Variants in TARM1 observed in about 807,000 individuals in gnomAD.
TARM1 encodes T cell-interacting, activating receptor on myeloid cells 1, also known as T-cell-interacting, activating receptor on myeloid cells protein 1.
TARM1 carries 24 observed loss-of-function variants against 30.4 expected under a neutral mutation model. That is an observed-to-expected ratio of 0.79 (90% CI 0.57 to 1.11). The LOEUF is 1.11. Among genes scored for constraint, TARM1 ranks in the 50% least tolerant of loss-of-function variants. TARM1 has a pLI of 0.00. For synonymous variants in TARM1, 129 were observed against 138.9 expected (o/e 0.93, Z 0.50); for missense variants, 323 against 332.8 (o/e 0.97, Z 0.23).
rs144276559 is a variant in TARM1 at position 54,078,211 on chromosome 19, G to C, written c.35-2293C>G. On this transcript the variant is annotated intron_variant, in intron 1 of 4. Transcript: ENST00000432826. ...TTTTTTTTTTTTTTTTTTGAGGCAG[G>C]GTCTCGCTCTGCTGCCCAGGCTGGA... Among the ~76,000 whole-genome samples the C allele has an allele frequency of 8.7e-3, 995 of 114,310 alleles. 14 individuals carry two copies. The highest frequency in any genetic ancestry group is 0.032 in the African/African-American group (895 of 28,066). 75.0% of individuals were successfully genotyped at this position (114,310 alleles called of 152,430 possible).
At position 54,074,170 on chromosome 19, in the gene TARM1, C is replaced by G. The variant is rs934670745; in HGVS notation, c.408G>C (p.Val136=). 5.3e-5 allele frequency: 82 copies of G among 1,551,578 alleles called. No homozygotes were observed. Among genetic ancestry groups the G allele is most frequent in the Non-Finnish European group, 6.7e-5 (77 of 1,147,000 alleles). ...PFLRTYQRGT[V]TAGGRVTLQC... Reference sequence around the variant, plus strand: ...GCAGAGTCACCCTTCCACCTGCGGTCACTGTACCCCTTTGGTAGGTTCGGA... The same window carrying G: ...GCAGAGTCACCCTTCCACCTGCGGTGACTGTACCCCTTTGGTAGGTTCGGA... The change falls in exon 4 of 5, where the codon GTG becomes GTC. Residue 136 remains valine, a synonymous_variant. Transcript: ENST00000432826.
intron 1 of TARM1, among the ~76,000 whole-genome samples, chr19:54,080,067 GAAGGAATGAAGGAGAAAGAGAAAGA>G (rs2072061895): frequency 1.2e-5 from 1 of 81,260 alleles, no homozygotes; most frequent in African/African-American, 5.1e-5. Context: ...AGAGAGGAAG[GAAGGAATGAAGGAGAAAGAGAAAGA>G]AAGGAAGGAA....
intron 1 of TARM1, chr19:54,076,315 T>G: frequency 2.0e-6 from 2 of 1,004,952 alleles, no homozygotes; most frequent in Non-Finnish European, 2.8e-6. Flanking sequence ...AGAGTCTCGC[T>G]CTTTCTTTCT....
At chr19:54,076,839 G>A (rs1233224145) in intron 1 of TARM1, among the ~76,000 whole-genome samples, 2 of 151,378 alleles carry the variant, frequency 1.3e-5, no homozygotes, top group South Asian at 2.1e-4. Context: ...CACCACACCC[G>A]GCTAATTTTT....
chr19:54,080,088 AAAGAAAGGAAGG>A (rs2072063634), intron 1 of TARM1, among the ~76,000 whole-genome samples: 1 of 70,370 alleles, frequency 1.4e-5, no homozygotes, highest in African/African-American at 8.8e-5. Context: ...GGAGAAAGAG[AAAGAAAGGAAGG>A]AAGGAAGGAA....
chr19:54,073,805 T>G, intron 4 of TARM1, 115 bp downstream of exon 4: 1 of 1,341,856 alleles, frequency 7.5e-7, no homozygotes, highest in South Asian at 1.4e-5. Context: ...AAAGGGAAGA[T>G]TTTGTTAAGA....
In TARM1 at chr19:54,074,971, G is replaced by A; in HGVS notation, c.214C>T (p.Pro72Ser). The A allele has an allele frequency of 6.4e-7, 1 of 1,551,496 alleles. No individual in the cohort carries two copies. Among genetic ancestry groups the A allele is most frequent in the Non-Finnish European group, 8.7e-7 (1 of 1,146,970 alleles). The change falls in exon 3 of 5, where the codon CCC becomes TCC. Residue 72 changes from proline to serine, a missense_variant. By Grantham distance (74) the Pro-to-Ser change is moderately conservative. Transcript: ENST00000432826. ...GCCGCGCCCTCTGTAGAATCAAGGG[G>A]CTTCGGGGACTCCAGAATAATTCCT... ...KGGIILESPK[P>S]LDSTEGAAEF...
At chr19:54,079,717 G>A (rs1391692519) in intron 1 of TARM1, among the ~76,000 whole-genome samples, 2 of 152,160 alleles carry the variant, frequency 1.3e-5, no homozygotes, top group Non-Finnish European at 2.9e-5. Context: ...ACGGGGCACT[G>A]TGGCTCACGC....
At chr19:54,075,845 T>A (rs1286402694) in intron 2 of TARM1, 38 bp downstream of exon 2, 3 of 1,548,574 alleles carry the variant, frequency 1.9e-6, no homozygotes, top group Non-Finnish European at 2.6e-6. Flanking sequence ...GGATTTGGGA[T>A]GACAGGCCAA....
intron 3 of TARM1, 91 bp from the exon 4 acceptor site, chr19:54,074,307 G>T: frequency 8.1e-7 from 1 of 1,236,170 alleles, no homozygotes; most frequent in Non-Finnish European, 1.1e-6. Context: ...CTCGTGGAGT[G>T]TGGGAAATGA....
At chr19:54,074,332 C>G in intron 3 of TARM1, 116 bp from the exon 4 acceptor site, 1 of 997,818 alleles carries the variant, frequency 1.0e-6, no homozygotes, top group Non-Finnish European at 1.5e-6. Flanking sequence ...TTCCTGATCT[C>G]TTCTACCTTC....
chr19:54,074,311 G>T, intron 3 of TARM1, 95 bp from the exon 4 acceptor site: 1 of 1,160,554 alleles, frequency 8.6e-7, no homozygotes, highest in Non-Finnish European at 1.2e-6. Context: ...TGGAGTGTGG[G>T]AAATGAGAGA....
At chr19:54,075,405 C>T (rs373280195) in intron 2 of TARM1, among the ~76,000 whole-genome samples, 1 of 151,232 alleles carries the variant, frequency 6.6e-6, no homozygotes, top group East Asian at 2.0e-4. Context: ...AGGCTGGTCT[C>T]GAACTCCTGA....
intron 1 of TARM1, chr19:54,076,424 G>C: frequency 2.0e-6 from 1 of 488,490 alleles, no homozygotes; most frequent in Non-Finnish European, 3.6e-6. Flanking sequence ...GTAGAGTGAC[G>C]CAATCTCGGC....
Position 54,074,191 on chromosome 19 carries a change from T to C in TARM1, c.387A>G (p.Arg129=). The C allele has an allele frequency of 6.4e-7, 1 of 1,551,618 alleles. No individual in the cohort carries two copies. The highest frequency in any genetic ancestry group is 1.2e-5 in the South Asian group (1 of 84,064). The change falls in exon 4 of 5, where the codon CGA becomes CGG. Residue 129 remains arginine (R), a synonymous_variant. Coordinates refer to ENST00000432826, the MANE Select transcript of TARM1 (RefSeq NM_001135686.3). ...CGGTCACTGTACCCCTTTGGTAGGT[T>C]CGGAGGAAAGGTTTAGATAAATGTC... The part of the protein sequence containing the change: ...VTGHLSKPFL[R]TYQRGTVTAG...
At chr19:54,075,759 C>T (rs1344750742) in intron 2 of TARM1, 124 bp downstream of exon 2, 2 of 1,148,936 alleles carry the variant, frequency 1.7e-6, no homozygotes, top group African/African-American at 1.6e-5. Context: ...CACCACCGCA[C>T]TCCAGCCTGG....
intron 4 of TARM1, among the ~76,000 whole-genome samples, chr19:54,073,234 C>T (rs924879396): frequency 1.3e-5 from 2 of 151,422 alleles, no homozygotes; most frequent in African/African-American, 4.9e-5. Context: ...CACGGTGAAA[C>T]CTTCATCGCT....
rs1216733488 is a variant in TARM1, at chr19:54,074,974, T to C, written c.211A>G (p.Lys71Glu). The change falls in exon 3 of 5, where the codon AAG (lysine) becomes GAG (glutamate). Residue 71 changes from lysine to glutamate, a missense_variant. Lys to Glu is a moderately conservative substitution (Grantham distance 56). Transcript: ENST00000432826. ...GCGCCCTCTGTAGAATCAAGGGGCTTCGGGGACTCCAGAATAATTCCTCCC... is the reference window on the plus strand; with the variant it reads ...GCGCCCTCTGTAGAATCAAGGGGCTCCGGGGACTCCAGAATAATTCCTCCC... ...RKGGIILESPKPLDSTEGAAE... is the reference protein window; with the variant it reads ...RKGGIILESPEPLDSTEGAAE... 7 of 1,551,570 alleles carry C rather than the reference T, an allele frequency of 4.5e-6. No individual in the cohort carries two copies. In the South Asian group the frequency reaches 8.3e-5, roughly 18 times the overall value.
intron 1 of TARM1, among the ~76,000 whole-genome samples, chr19:54,080,055 AGAG>A: frequency 2.3e-5 from 3 of 130,988 alleles, no homozygotes; most frequent in African/African-American, 5.7e-5. Context: ...GAAGGGAAAG[AGAG>A]AGAGGAAGGA....
Sources: gnomAD v4.1 joint callset for allele counts (sites outside exome capture counted in the v4.1 genomes callset) on GRCh38, gnomAD v4.1.1 for gene constraint, MANE v1.5 for transcripts, NCBI Gene and HGNC (gene_info 2026-07-23, HGNC 2026-07-21) for gene names.